The following MYO1A variants were observed in gnomAD, a reference collection of about 807,000 sequenced individuals.
MYO1A encodes myosin IA.
MYO1A carries 127 observed loss-of-function variants against 138.5 expected under a neutral mutation model. The observed-to-expected ratio is 0.92, with a 90% CI of 0.79 to 1.06. The LOEUF (loss-of-function observed/expected upper bound fraction) is 1.06, where lower values mean the gene tolerates loss of function less well. Ranked by LOEUF, MYO1A falls within the 50% of genes least tolerant of loss-of-function variation. The pLI, the probability that MYO1A is intolerant of heterozygous loss-of-function variation, is 0.00. For missense variants in MYO1A, 1,211 were observed against 1,288.8 expected (o/e 0.94, Z 0.92); for synonymous variants, 477 against 497.5 (o/e 0.96, Z 0.55).
At chr12:57,038,209 C>T in intron 17 of MYO1A, 140 bp from the exon 18 acceptor site, 1 of 1,139,710 alleles carries the variant, frequency 8.8e-7, no homozygotes, top group Non-Finnish European at 1.3e-6. Context: ...TCCCCAGTTT[C>T]ACTCACTTCT....
At chr12:57,047,262 G>A (rs181666248) in intron 5 of MYO1A, 41 bp downstream of exon 5, 739 of 1,591,744 alleles carry the variant, frequency 4.6e-4, no homozygotes, top group Admixed American at 7.0e-4. Flanking sequence ...GATTCTGGGG[G>A]TTAGATGGAG....
intron 12 of MYO1A, 53 bp downstream of exon 12, chr12:57,043,019 G>T: frequency 6.4e-7 from 1 of 1,572,166 alleles, no homozygotes. Context: ...TGGTGACAGG[G>T]CAGGAAGGTG....
intron 21 of MYO1A, 38 bp from the exon 22 acceptor site, chr12:57,036,419 T>G (rs696216): frequency 6.3e-7 from 1 of 1,591,358 alleles, no homozygotes; most frequent in South Asian, 1.1e-5. Context: ...AAAGTGAAGA[T>G]AGGCAGATTC....
Position 57,037,107 on chromosome 12 carries a change from AG to A in MYO1A, c.2056-17del. ...GGTAGAAAAGCTGTGGAGAGGTGGA[AG>A]GGGGTGACAGAGAGACTGGCTCAGG... is the stretch of plus-strand genomic sequence containing the variant. On this transcript the variant is annotated splice_polypyrimidine_tract_variant and intron_variant, in intron 19 of 27. Coordinates refer to ENST00000300119, the MANE Select transcript of MYO1A (RefSeq NM_005379.4). 1 of 1,613,862 alleles carries A rather than the reference AG, an allele frequency of 6.2e-7. No homozygotes were observed. The highest frequency in any genetic ancestry group is 8.5e-7 in the Non-Finnish European group (1 of 1,179,970).
intron 12 of MYO1A, among the ~76,000 whole-genome samples, chr12:57,042,779 A>C (rs1382799629): frequency 6.6e-6 from 1 of 152,160 alleles, no homozygotes; most frequent in Non-Finnish European, 1.5e-5. Context: ...CTTAGTGGGC[A>C]TTTCCAAATC....
rs1220594019 is a variant in MYO1A at position 57,044,190 on chromosome 12, C to A, written c.660G>T (p.Arg220=). The change falls in exon 9 of 28, where the codon CGG becomes CGT. Residue 220 remains arginine, a synonymous_variant. Coordinates refer to ENST00000300119, the MANE Select transcript of MYO1A (RefSeq NM_005379.4). The part of the protein sequence containing the change: ...EQLLKALKLE[R]DTTGYAYLNH... ...TCAGATAGGCATAGCCAGTTGTATC[C>A]CGCTCAAGCTTCAGGGCCTCTGGGA... is the stretch of plus-strand genomic sequence containing the variant. 6.2e-7 allele frequency: 1 copy of A among 1,614,064 alleles called. No homozygotes were observed.
intron 22 of MYO1A, among the ~76,000 whole-genome samples, chr12:57,032,693 A>G (rs1190659077): frequency 1.3e-5 from 2 of 152,156 alleles, no homozygotes; most frequent in African/African-American, 4.8e-5. Flanking sequence ...AAAGAAGAAA[A>G]AAAAAGGGTG....
chr12:57,050,922 T>C (rs2031312946), upstream of MYO1A: 1 of 152,174 alleles, frequency 6.6e-6, no homozygotes, highest in African/African-American at 2.4e-5. Flanking sequence ...GCTCCCTAAG[T>C]TTGCCAAAAG....
intron 22 of MYO1A, among the ~76,000 whole-genome samples, chr12:57,034,658 G>C (rs73114452): frequency 0.091 from 13,734 of 150,118 alleles, 654 homozygotes; most frequent in East Asian, 0.19. Context: ...CTGGGCGAGA[G>C]AGCAAGATTC....
At chr12:57,045,733 A>C (rs1028121243) in intron 8 of MYO1A, among the ~76,000 whole-genome samples, 2 of 152,214 alleles carry the variant, frequency 1.3e-5, no homozygotes, top group Non-Finnish European at 2.9e-5. Context: ...GGCAAACTCC[A>C]GTAGGGCTTA....
intron 14 of MYO1A, among the ~76,000 whole-genome samples, chr12:57,039,868 A>T (rs2030779574): frequency 6.6e-6 from 1 of 152,208 alleles, no homozygotes; most frequent in Non-Finnish European, 1.5e-5. Context: ...TTTCCAGGTG[A>T]TTTTGATACT....
In MYO1A at chr12:57,038,084, G is replaced by C. The variant is rs1276139196; in HGVS notation, c.1761-15C>G. ...GCTTTATGCACCTGGTGGGAGGTGG[G>C]GTAAGGCACAGCCTTCAGGAGCTGA... On this transcript the variant is annotated splice_polypyrimidine_tract_variant and intron_variant, in intron 17 of 27. Coordinates refer to ENST00000300119, the MANE Select transcript of MYO1A (RefSeq NM_005379.4). 1 of 1,613,470 alleles carries C rather than the reference G, an allele frequency of 6.2e-7. No individual in the cohort carries two copies. The highest frequency in any genetic ancestry group is 8.5e-7 in the Non-Finnish European group (1 of 1,179,920).
At position 57,042,065 on chromosome 12, in the gene MYO1A, A is replaced by G. The variant is rs181604644; in HGVS notation, c.1099-568T>C. Reference sequence around the variant, plus strand: ...AGTATATTCAAAAGGTTGTACAACCATCACCACTATCTAATTTCAGAACAT... The same window carrying G: ...AGTATATTCAAAAGGTTGTACAACCGTCACCACTATCTAATTTCAGAACAT... On this transcript the variant is annotated intron_variant, in intron 12 of 27. Transcript: ENST00000300119. 1.9e-3 allele frequency among the ~76,000 whole-genome samples: 282 copies of G among 152,358 alleles called. 1 individual carries two copies. Among genetic ancestry groups the G allele is most frequent in the African/African-American group, 6.0e-3 (251 of 41,580 alleles).
chr12:57,043,760 G>C, intron 10 of MYO1A, 96 bp downstream of exon 10: 3 of 1,533,506 alleles, frequency 2.0e-6, no homozygotes, highest in Non-Finnish European at 2.7e-6. Context: ...GACTGCATCA[G>C]GGTGAGATCA....
At chr12:57,037,512 T>A in intron 19 of MYO1A, 36 bp downstream of exon 19, 3 of 1,590,548 alleles carry the variant, frequency 1.9e-6, no homozygotes, top group Non-Finnish European at 1.7e-6. Flanking sequence ...TTCCACCTTC[T>A]ACCCTCACCA....
chr12:57,033,543 G>C (rs73114446), intron 22 of MYO1A, among the ~76,000 whole-genome samples: 13,728 of 151,842 alleles, frequency 0.09, 655 homozygotes, highest in East Asian at 0.18. Flanking sequence ...TTTTTTTGTA[G>C]AGTCTAGGTC....
chr12:57,037,545 C>T lies in MYO1A; in HGVS notation c.2055+3G>A. The T allele has an allele frequency of 6.2e-7, 1 of 1,613,872 alleles. No individual in the cohort carries two copies. Among genetic ancestry groups the T allele is most frequent in the Non-Finnish European group, 8.5e-7 (1 of 1,179,778 alleles). ...CCAAATGCTAATGCACTCTCTAACT[C>T]ACAGTCTTGGGGCTTCTAATGAAGA... is the stretch of plus-strand genomic sequence containing the variant. On this transcript the variant is annotated splice_donor_region_variant and intron_variant, in intron 19 of 27. Transcript: ENST00000300119.
chr12:57,032,492 C>A (rs990791146), intron 22 of MYO1A, among the ~76,000 whole-genome samples: 2 of 152,166 alleles, frequency 1.3e-5, no homozygotes, highest in Non-Finnish European at 2.9e-5. Context: ...GAATGAGTGG[C>A]AGCATATTCC....
intron 8 of MYO1A, 37 bp downstream of exon 8, chr12:57,046,515 T>TCACTCATGAGGACACTACTCATGAGGA (rs2031094656): frequency 1.3e-6 from 2 of 1,527,146 alleles, no homozygotes; most frequent in African/African-American, 1.4e-5. Flanking sequence ...TTGCCATGTG[T>TCACTCATGAGGACACTACTCATGAGGA]CACTCATGAG....
Sources: allele counts gnomAD v4.1 joint callset (sites outside exome capture counted in the v4.1 genomes callset), GRCh38; gene constraint gnomAD v4.1.1; transcripts MANE v1.5; gene names NCBI Gene and HGNC (gene_info 2026-07-23, HGNC 2026-07-21).